The following ERC2 variants were observed in gnomAD, a reference collection of about 807,000 sequenced individuals.
ERC2 encodes ERC protein 2.
In ERC2, 42 loss-of-function variants were observed where a neutral mutation model predicts 114.8. The ratio of observed to expected loss-of-function variants is 0.37; its 90% confidence interval spans 0.29 to 0.47. ERC2 has a LOEUF of 0.47. Ranked by LOEUF, ERC2 falls within the 20% of genes least tolerant of loss-of-function variation. The probability of loss-of-function intolerance (pLI) is 0.99; values close to 1 mark genes in which losing one functional copy is unlikely to be tolerated. For missense variants in ERC2, 939 were observed against 1,150.7 expected (o/e 0.82, Z 2.66); for synonymous variants, 454 against 425.5 (o/e 1.07, Z -0.82).
intron 14 of ERC2, among the ~76,000 whole-genome samples, chr3:55,785,538 A>G (rs941941243): frequency 3.3e-5 from 5 of 152,176 alleles, no homozygotes; most frequent in African/African-American, 1.2e-4. Flanking sequence ...AATGCCCTGC[A>G]TTCCTCAACC....
At chr3:55,818,180 A>C (rs1173412254) in intron 14 of ERC2, among the ~76,000 whole-genome samples, 1 of 152,200 alleles carries the variant, frequency 6.6e-6, no homozygotes, top group Non-Finnish European at 1.5e-5. Flanking sequence ...GTTTCAATAC[A>C]TTATGGTGAC....
At chr3:56,048,041 A>T (rs1380979072) in intron 7 of ERC2, among the ~76,000 whole-genome samples, 1 of 152,186 alleles carries the variant, frequency 6.6e-6, no homozygotes, top group Non-Finnish European at 1.5e-5. Context: ...CTGCCTGGTG[A>T]TTTTCTTTAA....
intron 12 of ERC2, among the ~76,000 whole-genome samples, chr3:55,976,248 T>C (rs1303615785): frequency 6.6e-6 from 1 of 152,086 alleles, no homozygotes; most frequent in Non-Finnish European, 1.5e-5. Context: ...AGAAGAAAAT[T>C]ATATTCCTTC....
intron 13 of ERC2, among the ~76,000 whole-genome samples, chr3:55,904,516 C>T (rs2064320634): frequency 6.6e-6 from 1 of 152,126 alleles, no homozygotes; most frequent in East Asian, 1.9e-4. Flanking sequence ...TTGTTTCTTC[C>T]CTTGCCAACC....
intron 17 of ERC2, among the ~76,000 whole-genome samples, chr3:55,547,027 T>C (rs776002771): frequency 6.6e-6 from 1 of 152,276 alleles, no homozygotes; most frequent in Non-Finnish European, 1.5e-5. Flanking sequence ...CTTCTCAACA[T>C]CTCTGAGCCT....
intron 4 of ERC2, among the ~76,000 whole-genome samples, chr3:56,152,348 G>A (rs1001509569): frequency 2.0e-5 from 3 of 151,764 alleles, no homozygotes; most frequent in Non-Finnish European, 4.4e-5. Context: ...TTACTAAATT[G>A]AAGAGTCAAA....
intron 13 of ERC2, among the ~76,000 whole-genome samples, chr3:55,913,036 A>T (rs1437562461): frequency 6.6e-6 from 1 of 151,830 alleles, no homozygotes; most frequent in Non-Finnish European, 1.5e-5. Context: ...CCCAGGCTGG[A>T]GTATAATGGT....
At chr3:55,863,298 ATC>A (rs1346475187) in intron 14 of ERC2, among the ~76,000 whole-genome samples, 1 of 152,126 alleles carries the variant, frequency 6.6e-6, no homozygotes, top group East Asian at 1.9e-4. Context: ...TATCTTGAAT[ATC>A]TCTGCTTGCT....
chr3:56,050,215 T>C (rs1029110913), intron 7 of ERC2, among the ~76,000 whole-genome samples: 6 of 152,180 alleles, frequency 3.9e-5, no homozygotes, highest in African/African-American at 1.4e-4. Flanking sequence ...TATCTCAAGC[T>C]TTTTAAGTGA....
intron 2 of ERC2, among the ~76,000 whole-genome samples, chr3:56,416,912 C>A (rs2061185481): frequency 6.6e-6 from 1 of 152,146 alleles, no homozygotes; most frequent in Non-Finnish European, 1.5e-5. Context: ...GCACCAGTGA[C>A]CTTGCCAGTA....
At chr3:55,580,581 G>T (rs1282810873) in intron 17 of ERC2, among the ~76,000 whole-genome samples, 3 of 152,078 alleles carry the variant, frequency 2.0e-5, no homozygotes, top group South Asian at 2.1e-4. Flanking sequence ...GAACCCAAGG[G>T]CTTGGTAAGT....
chr3:55,835,619 A>G (rs1170708433), intron 14 of ERC2, among the ~76,000 whole-genome samples: 1 of 152,220 alleles, frequency 6.6e-6, no homozygotes. Context: ...AATAAGAGCT[A>G]TCTATGAAAA....
rs368348593 is a variant in ERC2, at chr3:55,621,625, A to C, written c.*39+62169T>G. On this transcript the variant is annotated intron_variant, in intron 17 of 17. Coordinates refer to ENST00000288221, the MANE Select transcript of ERC2 (RefSeq NM_015576.3). ...TTGATAATTATAATGCAAAGTGTTA[A>C]CAGGTAACAGGACAGTCATGCACAG... Among the ~76,000 whole-genome samples, 28 of 152,304 alleles carry C rather than the reference A, an allele frequency of 1.8e-4. No homozygotes were observed. The East Asian group carries it at 3.9e-3, about 21-fold the overall frequency.
intron 17 of ERC2, among the ~76,000 whole-genome samples, chr3:55,554,166 G>C (rs1037183478): frequency 6.6e-6 from 1 of 151,958 alleles, no homozygotes; most frequent in South Asian, 2.1e-4. Flanking sequence ...GGGTGTAGAC[G>C]ACCTGGACTA....
At chr3:56,144,527 C>T (rs1378453033) in intron 5 of ERC2, among the ~76,000 whole-genome samples, 1 of 152,134 alleles carries the variant, frequency 6.6e-6, no homozygotes, top group Non-Finnish European at 1.5e-5. Flanking sequence ...AGTGAAAAAA[C>T]CGATTCGTGC....
At chr3:56,216,417 C>T (rs1452491266) in intron 3 of ERC2, among the ~76,000 whole-genome samples, 6 of 152,206 alleles carry the variant, frequency 3.9e-5, no homozygotes, top group Non-Finnish European at 8.8e-5. Context: ...TTCCTCGACA[C>T]ATACACCCTT....
rs923663571 is a variant in ERC2 at position 55,735,040 on chromosome 3, C to G, written c.2565-122G>C. On this transcript the variant is annotated intron_variant, in intron 14 of 17. Transcript: ENST00000288221. Reference sequence around the variant, plus strand: ...CAATGGAAAGAAATTATGAATACTACTTAAAACAAACTAGCTCTTTGGCTT... The same window carrying G: ...CAATGGAAAGAAATTATGAATACTAGTTAAAACAAACTAGCTCTTTGGCTT... 6.4e-6 allele frequency: 7 copies of G among 1,087,258 alleles called. No homozygotes were observed. In the East Asian group the frequency reaches 1.9e-4, roughly 29 times the overall value. The allele number at this position is 1,087,258 out of a possible 1,614,324, so 67.4% of individuals were successfully genotyped here.
intron 15 of ERC2, among the ~76,000 whole-genome samples, chr3:55,719,104 A>G (rs1221318779): frequency 6.6e-6 from 1 of 152,218 alleles, no homozygotes; most frequent in African/African-American, 2.4e-5. Flanking sequence ...GAATTTATCC[A>G]TATCTAATAA....
At chr3:55,611,076 C>A (rs769829381) in intron 17 of ERC2, among the ~76,000 whole-genome samples, 3 of 152,154 alleles carry the variant, frequency 2.0e-5, no homozygotes, top group Non-Finnish European at 4.4e-5. Flanking sequence ...GGTAAAGCTT[C>A]ACTTATTTGG....
Sources: allele counts gnomAD v4.1 joint callset (sites outside exome capture counted in the v4.1 genomes callset), GRCh38; gene constraint gnomAD v4.1.1; transcripts MANE v1.5; gene names NCBI Gene and HGNC (gene_info 2026-07-23, HGNC 2026-07-21).